The following IGSF10 variants were observed in gnomAD, a reference collection of about 807,000 sequenced individuals.
IGSF10 encodes immunoglobulin superfamily member 10, also known as calvaria mechanical force protein 608.
In IGSF10, 126 loss-of-function variants were observed where a neutral mutation model predicts 128.2. That is an observed-to-expected ratio of 0.98 (90% CI 0.85 to 1.14). The LOEUF (loss-of-function observed/expected upper bound fraction) is 1.14, where lower values mean the gene tolerates loss of function less well. IGSF10 is among the 50% of genes most tolerant of loss of function. The pLI is 0.00. For synonymous variants in IGSF10, 1,185 were observed against 1,146.2 expected, an observed-to-expected ratio of 1.03 and a Z score of -0.68; for missense variants, 3,295 against 3,149.8, an observed-to-expected ratio of 1.05 and a Z score of -1.10.
chr3:151,541,086 G>A, the IGSF10 span, among the ~76,000 whole-genome samples: 10 of 152,220 alleles, frequency 6.6e-5, no homozygotes, highest in East Asian at 1.9e-4. Flanking sequence ...AAATGATTCC[G>A]TTTAAGGTTA....
the IGSF10 span, among the ~76,000 whole-genome samples, chr3:151,544,321 T>G: frequency 6.6e-6 from 1 of 152,198 alleles, no homozygotes; most frequent in African/African-American, 2.4e-5. Flanking sequence ...CTGGTGGCTC[T>G]CCAGGCTGCT....
downstream of IGSF10, chr3:151,434,991 A>G (rs544961476): frequency 6.8e-6 from 1 of 147,790 alleles, no homozygotes; most frequent in South Asian, 2.2e-4. Context: ...CCTGCGCATT[A>G]TAAAGAAAAT....
chr3:151,528,800 GTTTT>G, the IGSF10 span, among the ~76,000 whole-genome samples: 60 of 146,284 alleles, frequency 4.1e-4, no homozygotes, highest in East Asian at 1.0e-3. Context: ...AGCTGCAGGA[GTTTT>G]TTTTTTTTTT....
the IGSF10 span, among the ~76,000 whole-genome samples, chr3:151,555,573 A>G: frequency 6.6e-6 from 1 of 152,158 alleles, no homozygotes; most frequent in Admixed American, 6.6e-5. Context: ...GCTAGGAATC[A>G]TAAGGGTCTC....
the IGSF10 span, among the ~76,000 whole-genome samples, chr3:151,521,909 G>A: frequency 1.4e-4 from 21 of 151,678 alleles, no homozygotes; most frequent in African/African-American, 5.1e-4. Flanking sequence ...AATGATCAAC[G>A]AACCCAAGAG....
chr3:151,587,667 C>T, the IGSF10 span, among the ~76,000 whole-genome samples: 2 of 152,276 alleles, frequency 1.3e-5, no homozygotes, highest in South Asian at 4.1e-4. Context: ...GGCTGTGTCC[C>T]CACCCAAATC....
intron 2 of IGSF10, among the ~76,000 whole-genome samples, chr3:151,459,075 C>A (rs754433812): frequency 6.6e-6 from 1 of 152,116 alleles, no homozygotes; most frequent in Non-Finnish European, 1.5e-5. Flanking sequence ...TACATTAATT[C>A]TTTTAGAGTA....
At chr3:151,505,684 T>C in the IGSF10 span, among the ~76,000 whole-genome samples, 2 of 152,214 alleles carry the variant, frequency 1.3e-5, no homozygotes, top group Non-Finnish European at 2.9e-5. Flanking sequence ...CTGCACTGAA[T>C]TGCATTTGAA....
chr3:151,519,680 CA>C, the IGSF10 span, among the ~76,000 whole-genome samples: 1 of 151,656 alleles, frequency 6.6e-6, no homozygotes, highest in African/African-American at 2.4e-5. Context: ...GTGTGAAAGG[CA>C]TGCTAAAAAG....
chr3:151,471,116 T>C, the IGSF10 span, among the ~76,000 whole-genome samples: 5 of 152,146 alleles, frequency 3.3e-5, no homozygotes, highest in Admixed American at 2.6e-4. Flanking sequence ...GTTCTCATGA[T>C]AGTGAATAAG....
chr3:151,539,972 C>T, the IGSF10 span, among the ~76,000 whole-genome samples: 14 of 151,996 alleles, frequency 9.2e-5, no homozygotes, highest in African/African-American at 1.9e-4. Context: ...GGCCTTAGTC[C>T]GAGCCTAAGT....
chr3:151,585,414 T>C, the IGSF10 span, among the ~76,000 whole-genome samples: 2 of 152,230 alleles, frequency 1.3e-5, no homozygotes, highest in Non-Finnish European at 2.9e-5. Context: ...CAACCAAAGC[T>C]AAAACCTTAC....
chr3:151,514,771 G>GA, the IGSF10 span, among the ~76,000 whole-genome samples: 5 of 151,798 alleles, frequency 3.3e-5, no homozygotes, highest in Admixed American at 6.6e-5. Flanking sequence ...AAATTTACAA[G>GA]AAAAAAACAA....
In IGSF10 at chr3:151,447,848, G is replaced by T; in HGVS notation, c.2133C>A (p.His711Gln). The change falls in exon 6 of 8, where the codon CAC becomes CAA. Residue 711 changes from histidine to glutamine, a missense_variant. Physicochemically the swap from His to Gln is conservative, Grantham distance 24. Coordinates refer to ENST00000282466, the MANE Select transcript of IGSF10 (RefSeq NM_178822.5). Reference protein sequence around the residue: ...SALMEAEVGKHTSSTSKRHNY... With the variant: ...SALMEAEVGKQTSSTSKRHNY... The stretch of plus-strand genomic sequence containing the variant: ...TGTGCCTCTTACTTGTGCTTGAGGT[G>T]TGTTTTCCAACCTCAGCCTCCATCA... 6.2e-7 allele frequency: 1 copy of T among 1,614,132 alleles called. No individual in the cohort carries two copies. The highest frequency in any genetic ancestry group is 1.3e-5 in the African/African-American group (1 of 75,020).
intron 3 of IGSF10, among the ~76,000 whole-genome samples, chr3:151,457,749 A>G (rs1280196016): frequency 6.6e-6 from 1 of 152,224 alleles, no homozygotes; most frequent in African/African-American, 2.4e-5. Flanking sequence ...GCTTAACCCA[A>G]TGCCAGCACC....
the IGSF10 span, among the ~76,000 whole-genome samples, chr3:151,617,397 CT>C: frequency 0.025 from 3,404 of 135,842 alleles, 202 homozygotes; most frequent in African/African-American, 0.076. Context: ...TCTTCATCTT[CT>C]TTTTTTTTTG....
chr3:151,556,950 G>A, the IGSF10 span, among the ~76,000 whole-genome samples: 1 of 152,130 alleles, frequency 6.6e-6, no homozygotes, highest in African/African-American at 2.4e-5. Flanking sequence ...AGGAGAGGAA[G>A]AGTGGGAATT....
Position 151,449,289 on chromosome 3 carries a change from T to G in IGSF10, c.716-24A>C, listed in dbSNP as rs763090223. On this transcript the variant is annotated intron_variant, in intron 5 of 7. Coordinates refer to ENST00000282466, the MANE Select transcript of IGSF10 (RefSeq NM_178822.5). Reference sequence around the variant, plus strand: ...ATCTGGAAAAAAATCACAATTGAATTATCAGTTGTGACCTCTTTATGAATT... The same window carrying G: ...ATCTGGAAAAAAATCACAATTGAATGATCAGTTGTGACCTCTTTATGAATT... The G allele has an allele frequency of 2.6e-6, 4 of 1,540,700 alleles. No individual in the cohort carries two copies. The East Asian group carries it at 6.8e-5, about 26-fold the overall frequency.
chr3:151,448,964 C>T lies in IGSF10; in HGVS notation c.1017G>A (p.Arg339=), dbSNP rs562416911. ...CTTCAGTGAATGCAATGGGTGATGTCCTTGAGGGCTTTTGAATACTGCAGA... is the reference window on the plus strand; with the variant it reads ...CTTCAGTGAATGCAATGGGTGATGTTCTTGAGGGCTTTTGAATACTGCAGA... The part of the protein sequence containing the change: ...NMVCSIQKPS[R]TSPIAFTEEN... Residue 339 remains arginine, a synonymous_variant, in exon 6 of 8, where the codon AGG becomes AGA. Transcript: ENST00000282466. 1 of 1,614,176 alleles carries T rather than the reference C, an allele frequency of 6.2e-7. No individual in the cohort carries two copies. The highest frequency in any genetic ancestry group is 2.2e-5 in the East Asian group (1 of 44,890).
Sources: allele counts gnomAD v4.1 joint callset (sites outside exome capture counted in the v4.1 genomes callset), GRCh38; gene constraint gnomAD v4.1.1; transcripts MANE v1.5; gene names NCBI Gene and HGNC (gene_info 2026-07-23, HGNC 2026-07-21).